Variants in TAS1R1 observed in about 807,000 individuals in gnomAD.
TAS1R1 encodes the protein taste 1 receptor member 1.
TAS1R1 carries 31 observed loss-of-function variants against 45.8 expected under a neutral mutation model. The ratio of observed to expected loss-of-function variants is 0.68; its 90% CI spans 0.51 to 0.91. The LOEUF is 0.91. Among genes scored for constraint, TAS1R1 ranks in the 40% least tolerant of loss-of-function variants. The pLI, the probability that TAS1R1 is intolerant of heterozygous loss-of-function variation, is 0.00. For synonymous variants in TAS1R1, 437 were observed against 448.4 expected (o/e 0.97, Z 0.32); for missense variants, 1,051 against 1,063.9 (o/e 0.99, Z 0.17).
In TAS1R1 at chr1:6,555,383, T is replaced by C; in HGVS notation, c.10T>C (p.Cys4Arg). 2.5e-6 allele frequency: 4 copies of C among 1,600,268 alleles called. No homozygotes were observed. Among genetic ancestry groups the C allele is most frequent in the Non-Finnish European group, 3.4e-6 (4 of 1,175,000 alleles). The change falls in exon 1 of 6, where the codon TGC becomes CGC. Residue 4 changes from cysteine (C) to arginine (R), a missense_variant. Cys to Arg is a radical substitution (Grantham distance 180, BLOSUM62 -3). Transcript: ENST00000333172. MLL[C>R]TARLVGLQLL... ...CGGGCATCTGGCCAGCATGCTGCTCTGCACGGCTCGCCTGGTCGGCCTGCA... is the reference window on the plus strand; with the variant it reads ...CGGGCATCTGGCCAGCATGCTGCTCCGCACGGCTCGCCTGGTCGGCCTGCA...
intron 5 of TAS1R1, among the ~76,000 whole-genome samples, chr1:6,577,890 TG>T (rs974100812): frequency 6.0e-4 from 91 of 152,302 alleles, no homozygotes; most frequent in African/African-American, 2.1e-3. Flanking sequence ...GTGTGTCCTC[TG>T]TTAGAGAGCT....
Position 6,577,591 on chromosome 1 carries a change from G to A in TAS1R1, c.1594+521G>A, listed in dbSNP as rs181726290. 4.5e-4 allele frequency among the ~76,000 whole-genome samples: 68 copies of A among 151,688 alleles called. No homozygotes were observed. The East Asian group carries it at 0.013, about 28-fold the overall frequency. ...TGTAATCCCAGCACTTTGGGAGGCC[G>A]AGGTGGGTGGATCACCTGAGGTCAG... is the stretch of plus-strand genomic sequence containing the variant. On this transcript the variant is annotated intron_variant, in intron 5 of 5. Coordinates refer to ENST00000333172, the MANE Select transcript of TAS1R1 (RefSeq NM_138697.4).
chr1:6,574,791 A>G lies in TAS1R1; in HGVS notation c.659A>G (p.Tyr220Cys), dbSNP rs767869402. 18 of 1,614,128 alleles carry G rather than the reference A, an allele frequency of 1.1e-5. No homozygotes were observed. The highest frequency in any genetic ancestry group is 3.3e-5 in the Admixed American group (2 of 60,010). The change falls in exon 3 of 6, where the codon TAT becomes TGT. Residue 220 changes from tyrosine to cysteine, a missense_variant. Physicochemically the swap from Tyr to Cys is radical, Grantham distance 194. Coordinates refer to ENST00000333172, the MANE Select transcript of TAS1R1 (RefSeq NM_138697.4). This position sits in a 1 kb window ranked among gnomAD's most constrained non-coding sequence, Gnocchi z 4.3. ...WISLVGSSDD[Y>C]GQLGVQALEN... is the part of the protein sequence containing the mutation. ...TCTCTGGTTGGCAGCAGTGACGACT[A>G]TGGGCAGCTAGGGGTGCAGGCACTG...
chr1:6,570,070 C>A (rs1025034336), intron 1 of TAS1R1, among the ~76,000 whole-genome samples: 16 of 149,828 alleles, frequency 1.1e-4, no homozygotes, highest in Admixed American at 2.0e-4. Flanking sequence ...CTGGGGATGC[C>A]CGGCCAGAGC....
intron 1 of TAS1R1, among the ~76,000 whole-genome samples, chr1:6,562,192 G>T (rs181273791): frequency 1.4e-4 from 22 of 152,272 alleles, no homozygotes; most frequent in Admixed American, 8.5e-4. Context: ...TTTTTGAGAC[G>T]GAGTCTCACT....
chr1:6,574,915 C>A lies in TAS1R1; in HGVS notation c.783C>A (p.Arg261=), dbSNP rs753315640. ...ATGAGAGGATGCAGTGCCTCATGCGCCACCTGGCCCAGGCCGGGGCCACCG... is the reference window on the plus strand; with the variant it reads ...ATGAGAGGATGCAGTGCCTCATGCGACACCTGGCCCAGGCCGGGGCCACCG... ...VGDERMQCLM[R]HLAQAGATVV... The change falls in exon 3 of 6, where the codon CGC becomes CGA. Residue 261 remains arginine, a synonymous_variant. Coordinates refer to ENST00000333172, the MANE Select transcript of TAS1R1 (RefSeq NM_138697.4). The surrounding 1 kb of genome is among the most constrained non-coding windows in gnomAD (Gnocchi z 4.3). 1 of 1,614,004 alleles carries A rather than the reference C, an allele frequency of 6.2e-7. No individual in the cohort carries two copies. Among genetic ancestry groups the A allele is most frequent in the South Asian group, 1.1e-5 (1 of 91,082 alleles).
chr1:6,565,742 T>C (rs1639862742), intron 1 of TAS1R1, among the ~76,000 whole-genome samples: 1 of 152,176 alleles, frequency 6.6e-6, no homozygotes, highest in Admixed American at 6.5e-5. Flanking sequence ...TTTAAGTTTG[T>C]GGAAGCTGGG....
chr1:6,559,794 C>G (rs1207931564), intron 1 of TAS1R1, among the ~76,000 whole-genome samples: 1 of 151,688 alleles, frequency 6.6e-6, no homozygotes, highest in Non-Finnish European at 1.5e-5. Flanking sequence ...AGTTCAAGAC[C>G]AGCCTGGTCA....
intron 1 of TAS1R1, among the ~76,000 whole-genome samples, chr1:6,569,053 G>A (rs1361055981): frequency 6.6e-6 from 1 of 151,606 alleles, no homozygotes; most frequent in Non-Finnish European, 1.5e-5. Flanking sequence ...TGTTGGGCCC[G>A]AGAATGGGTA....
intron 1 of TAS1R1, 71 bp from the exon 2 acceptor site, chr1:6,570,838 A>T: frequency 7.1e-7 from 1 of 1,405,374 alleles, no homozygotes; most frequent in Non-Finnish European, 9.7e-7. Flanking sequence ...CAAGCCTCAG[A>T]GTCTAGGAGG....
intron 1 of TAS1R1, among the ~76,000 whole-genome samples, chr1:6,570,407 C>T (rs1451973969): frequency 7.6e-6 from 1 of 131,030 alleles, no homozygotes; most frequent in Non-Finnish European, 1.6e-5. Context: ...TCTGCCTTGG[C>T]GGAGGGCCTT....
intron 2 of TAS1R1, 86 bp downstream of exon 2, chr1:6,571,301 A>G: frequency 2.2e-6 from 3 of 1,387,036 alleles, no homozygotes; most frequent in Non-Finnish European, 2.9e-6. Flanking sequence ...GTCCCCCCCA[A>G]GGCTGCCTGC....
At position 6,571,039 on chromosome 1, in the gene TAS1R1, G is replaced by T. The variant is rs1340507916; in HGVS notation, c.322G>T (p.Asp108Tyr). 1 of 1,614,040 alleles carries T rather than the reference G, an allele frequency of 6.2e-7. No individual in the cohort carries two copies. Among genetic ancestry groups the T allele is most frequent in the African/African-American group, 1.3e-5 (1 of 74,910 alleles). ...LGYQLYDVCS[D>Y]SANVYATLRV... ...GTACCAGCTGTATGATGTGTGTTCT[G>T]ACTCTGCCAATGTGTATGCCACGCT... Residue 108 changes from aspartate (D) to tyrosine (Y), a missense_variant, in exon 2 of 6, where the codon GAC becomes TAC. Asp to Tyr is a radical substitution (Grantham distance 160). Coordinates refer to ENST00000333172, the MANE Select transcript of TAS1R1 (RefSeq NM_138697.4).
At chr1:6,560,412 G>T (rs994700248) in intron 1 of TAS1R1, among the ~76,000 whole-genome samples, 5 of 152,224 alleles carry the variant, frequency 3.3e-5, no homozygotes, top group African/African-American at 9.6e-5. Context: ...TACAGACTAG[G>T]GGGTATAAGT....
At position 6,579,518 on chromosome 1, in the gene TAS1R1, C is replaced by T. The variant is rs1017910799; in HGVS notation, c.2460C>T (p.Asp820=). The T allele has an allele frequency of 1.2e-6, 2 of 1,613,686 alleles. No homozygotes were observed. The highest frequency in any genetic ancestry group is 2.2e-5 in the South Asian group (2 of 91,088). ...GCTACGTGATCCTCTGCCGCCCAGA[C>T]CTCAACAGCACAGAGCACTTCCAGG... The part of the protein sequence containing the change: ...PKCYVILCRP[D]LNSTEHFQAS... Residue 820 remains aspartate (D), a synonymous_variant, in exon 6 of 6, where the codon GAC becomes GAT. Coordinates refer to ENST00000333172, the MANE Select transcript of TAS1R1 (RefSeq NM_138697.4).
In TAS1R1 at chr1:6,579,435, A is replaced by G; in HGVS notation, c.2377A>G (p.Met793Val). Residue 793 changes from methionine (M) to valine (V), a missense_variant, in exon 6 of 6, where the codon ATG (methionine) becomes GTG (valine). Coordinates refer to ENST00000333172, the MANE Select transcript of TAS1R1 (RefSeq NM_138697.4). ...CGGCAAGTACCTGCCTGCGGCCAAC[A>G]TGATGGCTGGGCTGAGCAGCCTGAG... Reference protein sequence around the residue: ...YDGKYLPAANMMAGLSSLSSG... With the variant: ...YDGKYLPAANVMAGLSSLSSG... 1.9e-6 allele frequency: 3 copies of G among 1,614,068 alleles called. No homozygotes were observed. The highest frequency in any genetic ancestry group is 2.2e-5 in the South Asian group (2 of 91,086).
Position 6,579,721 on chromosome 1 carries a change from C to A in TAS1R1, c.*137C>A, listed in dbSNP as rs1422122214. 8.2e-7 allele frequency: 1 copy of A among 1,219,556 alleles called. No individual in the cohort carries two copies. The highest frequency in any genetic ancestry group is 1.1e-6 in the Non-Finnish European group (1 of 900,248). 75.5% of individuals were successfully genotyped at this position (1,219,556 alleles called of 1,614,324 possible). On this transcript the variant is annotated 3_prime_UTR_variant, in exon 6 of 6. Coordinates refer to ENST00000333172, the MANE Select transcript of TAS1R1 (RefSeq NM_138697.4). ...TGTAAGCGCCTGGGAGAGCCTAGACCAGGCTCCGGGCTGCCAATAAAGAAG... is the reference window on the plus strand; with the variant it reads ...TGTAAGCGCCTGGGAGAGCCTAGACAAGGCTCCGGGCTGCCAATAAAGAAG...
chr1:6,573,333 T>A (rs886762688), intron 2 of TAS1R1, among the ~76,000 whole-genome samples: 1 of 152,260 alleles, frequency 6.6e-6, no homozygotes, highest in South Asian at 2.1e-4. Context: ...GGCAGGCACC[T>A]GTAATCCCAG....
rs61744700 is a variant in TAS1R1, at chr1:6,574,704, A to G, written c.572A>G (p.Asn191Ser). 3,518 of 1,614,158 alleles carry G rather than the reference A, an allele frequency of 2.2e-3. 56 individuals carry two copies. The East Asian group carries it at 0.022, about 10-fold the overall frequency. ...CCCTCTTTCCTGCGCACCATCCCCA[A>G]TGACAAGTACCAGGTGGAGACCATG... ...QYPSFLRTIP[N>S]DKYQVETMVL... The change falls in exon 3 of 6, where the codon AAT becomes AGT. Residue 191 changes from asparagine to serine, a missense_variant. By Grantham distance (46) the Asn-to-Ser change is conservative (BLOSUM62 1). Transcript: ENST00000333172. This position sits in a 1 kb window ranked among gnomAD's most constrained non-coding sequence, Gnocchi z 4.3.
Sources: allele counts gnomAD v4.1 joint callset (sites outside exome capture counted in the v4.1 genomes callset), GRCh38; gene constraint gnomAD v4.1.1; non-coding constraint Gnocchi (gnomAD v3.1); transcripts MANE v1.5; gene names NCBI Gene and HGNC (gene_info 2026-07-23, HGNC 2026-07-21).